Variants in CPZ observed in about 807,000 individuals in gnomAD.
CPZ encodes carboxypeptidase Z.
A neutral mutation model predicts 61.8 loss-of-function variants in CPZ; 103 were observed. That is an observed-to-expected ratio of 1.67 (90% CI 1.42 to 1.96). CPZ has a LOEUF of 1.96. Among genes scored for constraint, CPZ ranks in the 30% most tolerant of loss-of-function variants. The probability of loss-of-function intolerance (pLI) is 0.00; values close to 1 mark genes in which losing one functional copy is unlikely to be tolerated. For missense variants in CPZ, 1,461 were observed against 914.9 expected (o/e 1.60, Z -7.70); for synonymous variants, 551 against 373.7 (o/e 1.47, Z -5.47).
Position 8,604,206 on chromosome 4 carries a change from A to G in CPZ, c.709+18A>G, listed in dbSNP as rs41266531. ...CGAGCTGAGTGAGTGCCCTTGGGAG[A>G]GCCTGGCCTGGCCCCGTTTCGGGAA... On this transcript the variant is annotated intron_variant, in intron 4 of 10. Coordinates refer to ENST00000360986, the MANE Select transcript of CPZ (RefSeq NM_001014447.3). 0.12 allele frequency: 186,748 copies of G among 1,516,386 alleles called. 15,412 individuals are homozygous for G. Among genetic ancestry groups the G allele is most frequent in the African/African-American group, 0.38 (27,822 of 72,482 alleles). 93.9% of individuals were successfully genotyped at this position (1,516,386 alleles called of 1,614,324 possible).
chr4:8,605,280 T>C (rs1024758178), intron 4 of CPZ, among the ~76,000 whole-genome samples: 1 of 150,302 alleles, frequency 6.7e-6, no homozygotes, highest in African/African-American at 2.5e-5. Flanking sequence ...AGTAAGGCCA[T>C]GGGGCCTGGT....
At chr4:8,615,739 G>C (rs1716110081) in intron 9 of CPZ, among the ~76,000 whole-genome samples, 1 of 152,212 alleles carries the variant, frequency 6.6e-6, no homozygotes, top group Admixed American at 6.5e-5. Flanking sequence ...GGCCTGTCTG[G>C]TGTCGCCCAG....
intron 8 of CPZ, among the ~76,000 whole-genome samples, chr4:8,613,673 TCTG>T (rs1715907607): frequency 6.6e-6 from 1 of 152,186 alleles, no homozygotes; most frequent in Admixed American, 6.5e-5. Context: ...GGTCATGGCT[TCTG>T]CTGAACAAGA....
At chr4:8,619,030 G>A (rs1289891712) in intron 10 of CPZ, among the ~76,000 whole-genome samples, 1 of 152,098 alleles carries the variant, frequency 6.6e-6, no homozygotes, top group African/African-American at 2.4e-5. Context: ...GGGGGTGGGA[G>A]TGGTCATCGA....
chr4:8,615,878 C>A lies in CPZ; in HGVS notation c.1503+1380C>A, dbSNP rs143989870. ...CGCTGAGATAGGAAAGAAACAAAGC[C>A]CCACACAAAGTAAAATGGAACATTC... is the stretch of plus-strand genomic sequence containing the variant. On this transcript the variant is annotated intron_variant, in intron 9 of 10. Coordinates refer to ENST00000360986, the MANE Select transcript of CPZ (RefSeq NM_001014447.3). Among the ~76,000 whole-genome samples, 363 of 152,314 alleles carry A rather than the reference C, an allele frequency of 2.4e-3. 2 individuals are homozygous for A. The highest frequency in any genetic ancestry group is 8.5e-3 in the African/African-American group (352 of 41,566).
chr4:8,608,202 G>A (rs1158665649), intron 7 of CPZ, among the ~76,000 whole-genome samples: 2 of 144,736 alleles, frequency 1.4e-5, no homozygotes, highest in Non-Finnish European at 3.0e-5. Context: ...GCCCCTAGTG[G>A]TCCCCACTCC....
intron 6 of CPZ, among the ~76,000 whole-genome samples, 163 bp from the exon 7 acceptor site, chr4:8,607,104 C>A (rs1385848389): frequency 6.6e-6 from 1 of 152,190 alleles, no homozygotes; most frequent in African/African-American, 2.4e-5. Flanking sequence ...GCCTAGATCC[C>A]CGCAGGGGCC....
intron 5 of CPZ, 126 bp from the exon 6 acceptor site, chr4:8,606,611 C>T (rs1715030340): frequency 6.6e-6 from 8 of 1,211,412 alleles, no homozygotes; most frequent in African/African-American, 6.0e-5. Context: ...CCCCCGAGCT[C>T]ATCACATAAA....
intron 10 of CPZ, among the ~76,000 whole-genome samples, chr4:8,618,979 C>T (rs950741696): frequency 3.3e-5 from 5 of 150,082 alleles, no homozygotes; most frequent in African/African-American, 1.2e-4. Context: ...AGATGTGGTC[C>T]AGAGAAGAGG....
intron 10 of CPZ, among the ~76,000 whole-genome samples, chr4:8,618,814 G>A (rs1165044319): frequency 6.6e-6 from 1 of 152,198 alleles, no homozygotes; most frequent in African/African-American, 2.4e-5. Context: ...GCCGGGGAGA[G>A]CCACCTCCAC....
chr4:8,616,864 G>C (rs4302446), intron 9 of CPZ, among the ~76,000 whole-genome samples: 2 of 152,212 alleles, frequency 1.3e-5, no homozygotes, highest in African/African-American at 4.8e-5. Context: ...GAGCATCCAG[G>C]GTGGGGGTCA....
At chr4:8,615,175 C>T (rs1156779177) in intron 9 of CPZ, among the ~76,000 whole-genome samples, 2 of 151,978 alleles carry the variant, frequency 1.3e-5, no homozygotes, top group African/African-American at 4.8e-5. Context: ...TATCGTGAGG[C>T]TGAGGTCACC....
At chr4:8,614,575 G>GC in intron 9 of CPZ, 77 bp downstream of exon 9, 1 of 1,491,178 alleles carries the variant, frequency 6.7e-7, no homozygotes. Context: ...CCCCAGGGCA[G>GC]CCCCCGTAGC....
intron 1 of CPZ, among the ~76,000 whole-genome samples, chr4:8,593,509 C>T (rs896112125): frequency 1.2e-4 from 18 of 152,100 alleles, no homozygotes; most frequent in East Asian, 1.9e-4. Flanking sequence ...GGGTGTGCAG[C>T]GGGGGTGGGG....
chr4:8,597,284 A>G (rs901938152), intron 1 of CPZ: 3 of 152,080 alleles, frequency 2.0e-5, no homozygotes, highest in African/African-American at 7.2e-5. Flanking sequence ...TCTTCCCAAC[A>G]TCACCCAGTT....
Position 8,619,351 on chromosome 4 carries a change from GTCA to G in CPZ, c.1699_1701del (p.Ile567del), listed in dbSNP as rs1169117365. ...TGGCTACGCCAAAGTCATCAAGAAA[GTCA>G]TCATCCCCGCCCGGATGAAGAGGGC... is the stretch of plus-strand genomic sequence containing the variant. On this transcript the variant is annotated inframe_deletion, in exon 11 of 11. Coordinates refer to ENST00000360986, the MANE Select transcript of CPZ (RefSeq NM_001014447.3). 6 of 1,614,064 alleles carry G rather than the reference GTCA, an allele frequency of 3.7e-6. No individual in the cohort carries two copies. Among genetic ancestry groups the G allele is most frequent in the African/African-American group, 1.3e-5 (1 of 74,948 alleles).
Position 8,606,183 on chromosome 4 carries a change from G to C in CPZ, c.904G>C (p.Glu302Gln). ...NPDGYEVAAA[E>Q]GAGYNGWTSG... The stretch of plus-strand genomic sequence containing the variant: ...TGACGGCTATGAGGTGGCAGCTGCC[G>C]AGGTGAGCGCCCAGATGCCTGGATC... Residue 302 changes from glutamate (E) to glutamine (Q), a missense_variant and splice_region_variant, in exon 5 of 11, where the codon GAG becomes CAG. Glu to Gln is a conservative substitution (Grantham distance 29). Transcript: ENST00000360986. 1 of 1,612,810 alleles carries C rather than the reference G, an allele frequency of 6.2e-7. No homozygotes were observed. The highest frequency in any genetic ancestry group is 1.7e-4 in the Middle Eastern group (1 of 6,060).
In CPZ at chr4:8,619,706, A is replaced by T; in HGVS notation, c.*89A>T. On this transcript the variant is annotated 3_prime_UTR_variant, in exon 11 of 11. Coordinates refer to ENST00000360986, the MANE Select transcript of CPZ (RefSeq NM_001014447.3). ...GCTCTTGATTTTGTCTGCCACAGAC[A>T]TCCCACAAAGCCGCTGCCATTTTAT... 1 of 1,020,234 alleles carries T rather than the reference A, an allele frequency of 9.8e-7. No individual in the cohort carries two copies. Among genetic ancestry groups the T allele is most frequent in the Non-Finnish European group, 1.4e-6 (1 of 732,940 alleles). The allele number at this position is 1,020,234 out of a possible 1,614,324, so 63.2% of individuals were successfully genotyped here.
chr4:8,605,742 T>C (rs151058122), intron 4 of CPZ, among the ~76,000 whole-genome samples: 2 of 150,358 alleles, frequency 1.3e-5, no homozygotes, highest in African/African-American at 5.0e-5. Flanking sequence ...TTTGCATGAA[T>C]CAATGATAAC....
Sources: gnomAD v4.1 joint callset for allele counts (sites outside exome capture counted in the v4.1 genomes callset) on GRCh38, gnomAD v4.1.1 for gene constraint, MANE v1.5 for transcripts, NCBI Gene and HGNC (gene_info 2026-07-23, HGNC 2026-07-21) for gene names.